Variants in CLVS1 observed in about 807,000 individuals in gnomAD.
CLVS1 encodes clavesin 1, also known as clavesin-1.
A neutral mutation model predicts 33.1 loss-of-function variants in CLVS1; 10 were observed. That is an observed-to-expected ratio of 0.30 (90% confidence interval 0.19 to 0.51). The LOEUF is 0.51. Ranked by LOEUF, CLVS1 falls within the 20% of genes least tolerant of loss-of-function variation. The pLI is 0.97. For synonymous variants in CLVS1, 163 were observed against 166.1 expected, an observed-to-expected ratio of 0.98 and a Z score of 0.14; for missense variants, 343 against 433.4, an observed-to-expected ratio of 0.79 and a Z score of 1.85.
intron 2 of CLVS1, among the ~76,000 whole-genome samples, chr8:61,136,740 G>T (rs1008600898): frequency 2.0e-5 from 3 of 152,176 alleles, no homozygotes; most frequent in African/African-American, 7.2e-5. Context: ...ATGGACACTA[G>T]ACTTAATACC....
At chr8:61,184,687 G>A (rs1182055623) in intron 2 of CLVS1, among the ~76,000 whole-genome samples, 1 of 152,026 alleles carries the variant, frequency 6.6e-6, no homozygotes, top group African/African-American at 2.4e-5. Flanking sequence ...CCATCCCACC[G>A]CCAAACAAAA....
chr8:61,477,887 T>C (rs1175006920), intron 5 of CLVS1, among the ~76,000 whole-genome samples: 1 of 152,244 alleles, frequency 6.6e-6, no homozygotes, highest in Non-Finnish European at 1.5e-5. Context: ...TTAATTGTGA[T>C]GTTAGGGTGT....
the CLVS1 span, among the ~76,000 whole-genome samples, chr8:60,974,253 A>T: frequency 6.6e-6 from 1 of 152,206 alleles, no homozygotes; most frequent in East Asian, 1.9e-4. Flanking sequence ...CCCTGCCTCC[A>T]CGAGTCCCTC....
At chr8:61,034,479 C>A in the CLVS1 span, among the ~76,000 whole-genome samples, 1 of 152,026 alleles carries the variant, frequency 6.6e-6, no homozygotes, top group African/African-American at 2.4e-5. Context: ...TCAAAAAACT[C>A]ATTTCTTTTG....
At chr8:60,974,843 G>A in the CLVS1 span, among the ~76,000 whole-genome samples, 1 of 151,774 alleles carries the variant, frequency 6.6e-6, no homozygotes, top group Non-Finnish European at 1.5e-5. Flanking sequence ...TATTTTATTT[G>A]TTATGGCTTA....
intron 2 of CLVS1, among the ~76,000 whole-genome samples, chr8:61,170,031 T>G (rs1806960447): frequency 6.6e-6 from 1 of 152,206 alleles, no homozygotes; most frequent in Non-Finnish European, 1.5e-5. Context: ...TGCACACATT[T>G]AAAGTGTACA....
chr8:61,493,432 A>G (rs1320907726), intron 5 of CLVS1, among the ~76,000 whole-genome samples: 1 of 152,238 alleles, frequency 6.6e-6, no homozygotes, highest in African/African-American at 2.4e-5. Flanking sequence ...GCTGACACAG[A>G]GCTAAACACT....
At chr8:61,274,821 T>C (rs897786559) in intron 2 of CLVS1, among the ~76,000 whole-genome samples, 3 of 152,220 alleles carry the variant, frequency 2.0e-5, no homozygotes, top group African/African-American at 7.2e-5. Flanking sequence ...TAGTTTCTTA[T>C]GTCTTCATAA....
intron 3 of CLVS1, among the ~76,000 whole-genome samples, chr8:61,392,199 G>T (rs1814330338): frequency 6.6e-6 from 1 of 152,078 alleles, no homozygotes; most frequent in Admixed American, 6.6e-5. Flanking sequence ...GGGCATGGTG[G>T]TGCAGGTCTA....
chr8:61,063,260 C>CAAGAGA (rs1554530970), intron 1 of CLVS1, among the ~76,000 whole-genome samples: 2 of 81,994 alleles, frequency 2.4e-5, no homozygotes, highest in Admixed American at 1.4e-4. Context: ...AGTGAGGAAG[C>CAAGAGA]GAGAGAGAGA....
At chr8:61,438,306 G>A (rs896086071) in intron 3 of CLVS1, among the ~76,000 whole-genome samples, 16 of 152,166 alleles carry the variant, frequency 1.1e-4, no homozygotes, top group Admixed American at 1.0e-3. Context: ...GGGTTAGTTT[G>A]TTGAGGATAA....
chr8:61,122,664 AT>A (rs1442992437), intron 1 of CLVS1, among the ~76,000 whole-genome samples: 2 of 152,024 alleles, frequency 1.3e-5, no homozygotes, highest in African/African-American at 4.8e-5. Context: ...GAAGTTAATC[AT>A]TTGACTTTTC....
At chr8:61,067,331 T>C (rs1387995457) in intron 1 of CLVS1, among the ~76,000 whole-genome samples, 1 of 151,516 alleles carries the variant, frequency 6.6e-6, no homozygotes, top group East Asian at 1.9e-4. Flanking sequence ...ATATATTAAA[T>C]AAATGGTTGC....
the CLVS1 span, among the ~76,000 whole-genome samples, chr8:60,971,071 CTTTTTTTTTTTT>C: frequency 2.2e-5 from 2 of 91,054 alleles, no homozygotes; most frequent in African/African-American, 4.6e-5. Flanking sequence ...ATGACTTTTC[CTTTTTTTTTTTT>C]TTTTTTTTTT....
chr8:61,401,700 A>G (rs1326156600), intron 3 of CLVS1, among the ~76,000 whole-genome samples: 1 of 152,230 alleles, frequency 6.6e-6, no homozygotes, highest in African/African-American at 2.4e-5. Context: ...AGTTTTAGAA[A>G]AAAACTATTT....
the CLVS1 span, among the ~76,000 whole-genome samples, chr8:60,992,838 G>C: frequency 6.6e-6 from 1 of 152,196 alleles, no homozygotes; most frequent in Non-Finnish European, 1.5e-5. Context: ...AGGTGAATTT[G>C]AGAAGTGTTT....
At chr8:61,249,156 C>A (rs143549723) in intron 2 of CLVS1, among the ~76,000 whole-genome samples, 103 of 152,142 alleles carry the variant, frequency 6.8e-4, no homozygotes, top group African/African-American at 2.2e-3. Flanking sequence ...TGAGTGAGAA[C>A]ATGTGATGCA....
chr8:61,239,586 A>T (rs1211714215), intron 2 of CLVS1, among the ~76,000 whole-genome samples: 1 of 152,030 alleles, frequency 6.6e-6, no homozygotes, highest in Non-Finnish European at 1.5e-5. Flanking sequence ...CAATTTAAAA[A>T]TTAGCTGGGC....
At chr8:61,239,529 T>A (rs1808648195) in intron 2 of CLVS1, among the ~76,000 whole-genome samples, 1 of 152,118 alleles carries the variant, frequency 6.6e-6, no homozygotes, top group Non-Finnish European at 1.5e-5. Context: ...GCCCAAGAAT[T>A]CGAGACCCCA....
Sources: gnomAD v4.1 joint callset for allele counts (sites outside exome capture counted in the v4.1 genomes callset) on GRCh38, gnomAD v4.1.1 for gene constraint, MANE v1.5 for transcripts, NCBI Gene and HGNC (gene_info 2026-07-23, HGNC 2026-07-21) for gene names.